TIMD4: variants seen among roughly 807,000 people sequenced by gnomAD.
The protein encoded by TIMD4 is T-cell immunoglobulin and mucin domain-containing protein 4.
In TIMD4, 31 loss-of-function variants were observed where a neutral mutation model predicts 41.2. The ratio of observed to expected loss-of-function variants is 0.75; its 90% confidence interval spans 0.57 to 1.01. The LOEUF is 1.01. Ranked by LOEUF, TIMD4 falls within the 50% of genes least tolerant of loss-of-function variation. The pLI, the probability that TIMD4 is intolerant of heterozygous loss-of-function variation, is 0.00. For synonymous variants in TIMD4, 204 were observed against 177.1 expected, an observed-to-expected ratio of 1.15 and a Z score of -1.21; for missense variants, 479 against 472.5, an observed-to-expected ratio of 1.01 and a Z score of -0.13.
In TIMD4 at chr5:156,927,780, C is replaced by T. The variant is rs547820186; in HGVS notation, c.845-1468G>A. Among the ~76,000 whole-genome samples the T allele has an allele frequency of 2.6e-5, 4 of 152,220 alleles. No homozygotes were observed. In the East Asian group the frequency reaches 7.7e-4, roughly 29 times the overall value. ...ACACCTGGCCATGGCCTGAGCTGTC[C>T]ACTAAGACTGAGAACAGGGGAAGGA... On this transcript the variant is annotated intron_variant, in intron 5 of 8. Transcript: ENST00000274532.
intron 3 of TIMD4, among the ~76,000 whole-genome samples, chr5:156,950,167 T>C (rs994946972): frequency 1.3e-5 from 2 of 152,262 alleles, no homozygotes; most frequent in Admixed American, 6.5e-5. Context: ...AGTCTCACTA[T>C]GTTGTCCAGG....
intron 1 of TIMD4, among the ~76,000 whole-genome samples, chr5:156,957,520 A>AAAAAAAAAT (rs1191482853): frequency 6.7e-6 from 1 of 149,312 alleles, no homozygotes; most frequent in Non-Finnish European, 1.5e-5. Flanking sequence ...CTCAAAAAAA[A>AAAAAAAAAT]AAAAGAAAAA....
intron 5 of TIMD4, among the ~76,000 whole-genome samples, chr5:156,937,135 T>G (rs1038040397): frequency 1.3e-5 from 2 of 152,128 alleles, no homozygotes; most frequent in African/African-American, 4.8e-5. Context: ...TAAGTAAACT[T>G]GGGCAGACTT....
At chr5:156,921,412 G>A (rs1030559591) in intron 7 of TIMD4, among the ~76,000 whole-genome samples, 5 of 151,836 alleles carry the variant, frequency 3.3e-5, no homozygotes, top group Non-Finnish European at 7.4e-5. Flanking sequence ...CCTGAGGTCA[G>A]GAGTTTGAGT....
intron 6 of TIMD4, among the ~76,000 whole-genome samples, chr5:156,923,907 G>A (rs1427882971): frequency 6.6e-6 from 1 of 151,182 alleles, no homozygotes; most frequent in Non-Finnish European, 1.5e-5. Flanking sequence ...GCACAAACAA[G>A]GCTCACTGCA....
At chr5:156,932,189 G>C (rs1759455308) in intron 5 of TIMD4, among the ~76,000 whole-genome samples, 2 of 152,092 alleles carry the variant, frequency 1.3e-5, no homozygotes, top group South Asian at 4.1e-4. Context: ...ATTCTTCCTA[G>C]TACCATTTTA....
intron 7 of TIMD4, among the ~76,000 whole-genome samples, chr5:156,921,616 CAAAAAAAAAAAAAAAAAAAA>C (rs66842169): frequency 2.1e-5 from 1 of 47,252 alleles, no homozygotes; most frequent in African/African-American, 7.2e-5. Flanking sequence ...GAGACTCTCT[CAAAAAAAAAAAAAAAAAAAA>C]AAAAAAAAAA....
intron 3 of TIMD4, among the ~76,000 whole-genome samples, chr5:156,950,848 G>A (rs375054595): frequency 1.1e-3 from 174 of 152,314 alleles, no homozygotes; most frequent in African/African-American, 3.9e-3. Flanking sequence ...GACCAGGAGT[G>A]ACCTTTCCTG....
intron 2 of TIMD4, among the ~76,000 whole-genome samples, 188 bp from the exon 3 acceptor site, chr5:156,951,978 C>T (rs1212503349): frequency 6.6e-6 from 1 of 152,126 alleles, no homozygotes; most frequent in East Asian, 1.9e-4. Context: ...CTATTCTTCA[C>T]ACATTGGCTA....
intron 1 of TIMD4, among the ~76,000 whole-genome samples, chr5:156,961,808 CAAAAAAAAAAAAAAA>C (rs71578911): frequency 0.022 from 616 of 28,010 alleles, 10 homozygotes; most frequent in East Asian, 0.14. Flanking sequence ...GACTCCGTCT[CAAAAAAAAAAAAAAA>C]AAAAAAAAAA....
intron 5 of TIMD4, among the ~76,000 whole-genome samples, chr5:156,929,584 T>G (rs1348859847): frequency 6.6e-6 from 1 of 152,132 alleles, no homozygotes; most frequent in Non-Finnish European, 1.5e-5. Context: ...ATGGGAGTGA[T>G]GCTGTCATAA....
intron 6 of TIMD4, chr5:156,924,060 C>G (rs1204866044): frequency 5.0e-6 from 1 of 199,076 alleles, no homozygotes; most frequent in Non-Finnish European, 1.0e-5. Flanking sequence ...GTTGCCCAGG[C>G]TAGAAACTGA....
At chr5:156,941,051 A>C (rs372746737) in intron 5 of TIMD4, among the ~76,000 whole-genome samples, 7,378 of 151,930 alleles carry the variant, frequency 0.049, 505 homozygotes, top group African/African-American at 0.17. Flanking sequence ...GTGCTGTGTC[A>C]ACTCAGGGTT....
intron 4 of TIMD4, among the ~76,000 whole-genome samples, chr5:156,949,398 G>T (rs1009494222): frequency 6.7e-6 from 1 of 148,628 alleles, no homozygotes; most frequent in Non-Finnish European, 1.5e-5. Context: ...AATCAAGAAG[G>T]GTCTTCCTTT....
Position 156,922,114 on chromosome 5 carries a change from C to A in TIMD4, c.997G>T (p.Ala333Ser), listed in dbSNP as rs763351424. Residue 333 changes from alanine to serine, a missense_variant, in exon 7 of 9, where the codon GCG becomes TCG. By Grantham distance (99) the Ala-to-Ser change is moderately conservative. Coordinates refer to ENST00000274532, the MANE Select transcript of TIMD4 (RefSeq NM_138379.3). The part of the protein sequence containing the change: ...LGFVLFALFV[A>S]FLLRGKLMET... ...CCCTCCTTACCTCTCAGGAGAAACGCCACAAACAATGCGAAGAGCACAAAT... is the reference window on the plus strand; with the variant it reads ...CCCTCCTTACCTCTCAGGAGAAACGACACAAACAATGCGAAGAGCACAAAT... The A allele has an allele frequency of 5.6e-6, 9 of 1,613,652 alleles. No individual in the cohort carries two copies. The East Asian group carries it at 1.6e-4, about 28-fold the overall frequency.
At chr5:156,959,906 G>A (rs141727036) in intron 1 of TIMD4, among the ~76,000 whole-genome samples, 1 of 151,984 alleles carries the variant, frequency 6.6e-6, no homozygotes, top group African/African-American at 2.4e-5. Flanking sequence ...AGCCAGCTGT[G>A]GTGGCGGGCG....
intron 5 of TIMD4, among the ~76,000 whole-genome samples, chr5:156,928,253 G>A (rs1561545250): frequency 6.6e-6 from 1 of 151,854 alleles, no homozygotes; most frequent in Non-Finnish European, 1.5e-5. Flanking sequence ...AGCCGAGATT[G>A]CCCCACTGCA....
In TIMD4 at chr5:156,951,499, T is replaced by C; in HGVS notation, c.679+13A>G. On this transcript the variant is annotated intron_variant, in intron 3 of 8. Coordinates refer to ENST00000274532, the MANE Select transcript of TIMD4 (RefSeq NM_138379.3). ...CAGCACTGTTCTAAGAAACCCAAGATACATCTGCGTACCTGCAGTGAGGAT... is the reference window on the plus strand; with the variant it reads ...CAGCACTGTTCTAAGAAACCCAAGACACATCTGCGTACCTGCAGTGAGGAT... 6.2e-7 allele frequency: 1 copy of C among 1,613,836 alleles called. No homozygotes were observed. Among genetic ancestry groups the C allele is most frequent in the Non-Finnish European group, 8.5e-7 (1 of 1,179,858 alleles).
At chr5:156,932,241 A>G (rs192178638) in intron 5 of TIMD4, among the ~76,000 whole-genome samples, 2 of 152,316 alleles carry the variant, frequency 1.3e-5, no homozygotes, top group East Asian at 1.9e-4. Context: ...TGACTTTTCA[A>G]TGGTAAAATA....
Sources: allele counts gnomAD v4.1 joint callset (sites outside exome capture counted in the v4.1 genomes callset), GRCh38; gene constraint gnomAD v4.1.1; transcripts MANE v1.5; gene names NCBI Gene and HGNC (gene_info 2026-07-23, HGNC 2026-07-21).